Variants in XG observed in about 807,000 individuals in gnomAD.
XG encodes the protein glycoprotein Xg.
A neutral mutation model predicts 25.7 loss-of-function variants in XG; 24 were observed. The observed-to-expected ratio is 0.93, with a 90% confidence interval of 0.68 to 1.31. The LOEUF is 1.31. Ranked by LOEUF, XG falls within the 40% of genes most tolerant of loss-of-function variation. The probability of loss-of-function intolerance (pLI) is 0.00; values close to 1 mark genes in which losing one functional copy is unlikely to be tolerated. For missense variants in XG, 181 were observed against 187.6 expected (o/e 0.96, Z 0.21); for synonymous variants, 77 against 69.2 (o/e 1.11, Z -0.56).
intron 7 of XG, among the ~76,000 whole-genome samples, chrX:2,798,991 C>T (rs1324389097): frequency 1.8e-5 from 2 of 108,666 alleles, no homozygotes; most frequent in Admixed American, 2.0e-4. Flanking sequence ...GCTTAATTAA[C>T]AGGAGAAAAA....
In XG at chrX:2,752,332, C is replaced by G. The variant is rs201441238; in HGVS notation, c.58C>G (p.Arg20Gly). Reference protein sequence around the residue: ...LAFLCFLMHARGQRDFDLADA... With the variant: ...LAFLCFLMHAGGQRDFDLADA... The stretch of plus-strand genomic sequence containing the variant: ...GTTCCTGTGTTTTCTAATGCACGCC[C>G]GAGGTAAGAGGCATTTTGCTTTGAG... Residue 20 changes from arginine (R) to glycine (G), a missense_variant, in exon 1 of 11, where the codon CGA (arginine) becomes GGA (glycine). Transcript: ENST00000644266. 6.2e-7 allele frequency: 1 copy of G among 1,613,156 alleles called. No individual in the cohort carries two copies. Among genetic ancestry groups the G allele is most frequent in the Non-Finnish European group, 8.5e-7 (1 of 1,179,840 alleles).
intron 7 of XG, 25 bp downstream of exon 7, chrX:2,797,385 T>C: frequency 3.4e-6 from 4 of 1,162,776 alleles, no homozygotes; most frequent in Non-Finnish European, 4.7e-6. Flanking sequence ...GGGCATGCGA[T>C]GGTGGGTGGA....
chrX:2,762,608 C>A (rs1418503822), intron 1 of XG, among the ~76,000 whole-genome samples: 5 of 152,140 alleles, frequency 3.3e-5, no homozygotes, highest in Admixed American at 2.6e-4. Flanking sequence ...AATTAGAGAA[C>A]AGAATGGATT....
intron 3 of XG, chrX:2,775,027 A>G (rs1050987925): frequency 8.8e-5 from 37 of 421,332 alleles, no homozygotes; most frequent in Non-Finnish European, 1.5e-4. Context: ...TGCTGGTGGG[A>G]GTCTAAAATG....
At chrX:2,770,450 C>T in intron 1 of XG, 100 bp from the exon 2 acceptor site, 1 of 1,437,648 alleles carries the variant, frequency 7.0e-7, no homozygotes, top group South Asian at 1.2e-5. Flanking sequence ...TCTGGGCGAC[C>T]CTAGGCTTGC....
intron 5 of XG, among the ~76,000 whole-genome samples, chrX:2,790,765 A>G (rs961111671): frequency 2.7e-5 from 3 of 112,168 alleles, no homozygotes; most frequent in Admixed American, 9.4e-5. Context: ...GTGCCAATGC[A>G]CAATCTATCT....
chrX:2,765,257 G>A (rs311134), intron 1 of XG, among the ~76,000 whole-genome samples: 84,630 of 150,068 alleles, frequency 0.56, 23,835 homozygotes, highest in East Asian at 0.9. Context: ...TGAGGCAGGC[G>A]GGAGAATCAA....
intron 1 of XG, among the ~76,000 whole-genome samples, chrX:2,757,186 A>G: frequency 6.6e-6 from 1 of 151,918 alleles, no homozygotes; most frequent in East Asian, 1.9e-4. Flanking sequence ...CAGTGTTCAG[A>G]TGTTCCTTCT....
intron 1 of XG, among the ~76,000 whole-genome samples, chrX:2,759,364 C>G (rs1451661413): frequency 6.6e-6 from 1 of 152,028 alleles, no homozygotes; most frequent in African/African-American, 2.4e-5. Context: ...TGTCATGCTC[C>G]TGTACGCTGT....
At chrX:2,789,273 A>G (rs2086814024) in intron 4 of XG, among the ~76,000 whole-genome samples, 1 of 111,879 alleles carries the variant, frequency 8.9e-6, no homozygotes, top group African/African-American at 3.2e-5. Flanking sequence ...GTGTAACTCA[A>G]GCAAGATGGA....
chrX:2,758,126 C>G (rs2050478412), intron 1 of XG, among the ~76,000 whole-genome samples: 1 of 152,022 alleles, frequency 6.6e-6, no homozygotes, highest in South Asian at 2.1e-4. Flanking sequence ...TTCTGGTGCC[C>G]CCTCTCTCCC....
intron 7 of XG, among the ~76,000 whole-genome samples, chrX:2,798,368 TC>T (rs1353846421): frequency 6.0e-5 from 6 of 99,670 alleles, no homozygotes; most frequent in Non-Finnish European, 1.2e-4. Context: ...AACCATCTTT[TC>T]TTTTTTTTTT....
At chrX:2,759,296 G>C (rs1345386078) in intron 1 of XG, among the ~76,000 whole-genome samples, 2 of 152,246 alleles carry the variant, frequency 1.3e-5, no homozygotes, top group Non-Finnish European at 2.9e-5. Context: ...TAGTGCTGTA[G>C]TGGAGAACCT....
chrX:2,781,245 C>G (rs2051113752), intron 3 of XG, among the ~76,000 whole-genome samples: 1 of 151,402 alleles, frequency 6.6e-6, no homozygotes, highest in African/African-American at 2.4e-5. Flanking sequence ...GAATTCTTAA[C>G]AGGACCCATT....
intron 1 of XG, among the ~76,000 whole-genome samples, chrX:2,769,156 A>G (rs966269849): frequency 5.9e-5 from 9 of 152,172 alleles, no homozygotes; most frequent in Admixed American, 2.0e-4. Context: ...GTGGCATCTG[A>G]CTGGAGCCAT....
intron 1 of XG, among the ~76,000 whole-genome samples, chrX:2,765,781 G>A (rs779024000): frequency 5.3e-5 from 8 of 151,284 alleles, no homozygotes; most frequent in African/African-American, 2.4e-5. Context: ...TCAGTGGGCA[G>A]TGGCCTCGAC....
In XG at chrX:2,810,438, C is replaced by G. The variant is rs367898897; in HGVS notation, c.455-898C>G. Among the ~76,000 whole-genome samples the G allele has an allele frequency of 1.6e-4, 18 of 110,353 alleles. No individual in the cohort carries two copies. In the South Asian group the frequency reaches 4.4e-3, roughly 27 times the overall value. ...GTTCCAGCATGCCTTTGAAAGCAAG[C>G]CTATCTGGCAGTTTTTAGTGGAACA... is the stretch of plus-strand genomic sequence containing the variant. On this transcript the variant is annotated intron_variant, in intron 9 of 10. Transcript: ENST00000644266.
intron 1 of XG, among the ~76,000 whole-genome samples, chrX:2,759,454 C>T: frequency 6.6e-6 from 1 of 152,258 alleles, no homozygotes; most frequent in East Asian, 1.9e-4. Flanking sequence ...GTATAGTTGT[C>T]TGGGCATTTC....
chrX:2,785,998 A>G (rs2086779885), intron 4 of XG, among the ~76,000 whole-genome samples: 2 of 110,677 alleles, frequency 1.8e-5, no homozygotes, highest in African/African-American at 6.6e-5. Context: ...TTTACCACAC[A>G]CCAGCCAGCT....
Sources: allele counts gnomAD v4.1 joint callset (sites outside exome capture counted in the v4.1 genomes callset), GRCh38; gene constraint gnomAD v4.1.1; transcripts MANE v1.5; gene names NCBI Gene and HGNC (gene_info 2026-07-23, HGNC 2026-07-21).